Variants in TMEM163 observed in about 807,000 individuals in gnomAD.
TMEM163 encodes transmembrane protein 163.
In TMEM163, 17 loss-of-function variants were observed where a neutral mutation model predicts 29.3. That is an observed-to-expected ratio of 0.58 (90% CI 0.40 to 0.87). The LOEUF (loss-of-function observed/expected upper bound fraction) is 0.87, where lower values mean the gene tolerates loss of function less well. Ranked by LOEUF, TMEM163 falls within the 40% of genes least tolerant of loss-of-function variation. The pLI is 0.00. For missense variants in TMEM163, 303 were observed against 381.5 expected (o/e 0.79, Z 1.71); for synonymous variants, 157 against 160.6 (o/e 0.98, Z 0.17).
intron 2 of TMEM163, among the ~76,000 whole-genome samples, chr2:134,649,025 TCAGAACAC>T (rs1683403675): frequency 6.6e-6 from 1 of 152,122 alleles, no homozygotes; most frequent in African/African-American, 2.4e-5. Context: ...GAACTGAATG[TCAGAACAC>T]TGGAGACATA....
At chr2:134,582,283 G>A (rs1681713683) in intron 2 of TMEM163, among the ~76,000 whole-genome samples, 1 of 152,202 alleles carries the variant, frequency 6.6e-6, no homozygotes, top group Admixed American at 6.5e-5. Context: ...AATGTTCCCA[G>A]CTCCTGTAGG....
intron 5 of TMEM163, among the ~76,000 whole-genome samples, chr2:134,481,595 C>A (rs625519): frequency 0.49 from 74,184 of 151,946 alleles, 18,772 homozygotes; most frequent in South Asian, 0.74. Flanking sequence ...ACCCAGTCTC[C>A]GGTATGTCTT....
At chr2:134,689,940 TTG>T (rs1684426370) in intron 2 of TMEM163, among the ~76,000 whole-genome samples, 1 of 152,074 alleles carries the variant, frequency 6.6e-6, no homozygotes, top group Non-Finnish European at 1.5e-5. Flanking sequence ...GTTTGTTTGT[TTG>T]TTTTTGGAGG....
intron 2 of TMEM163, among the ~76,000 whole-genome samples, chr2:134,577,160 T>C (rs1418459876): frequency 6.6e-6 from 1 of 152,196 alleles, no homozygotes; most frequent in African/African-American, 2.4e-5. Context: ...GAGCCTTTTT[T>C]GATAGACATT....
At chr2:134,516,282 C>T (rs2106492947) in intron 4 of TMEM163, among the ~76,000 whole-genome samples, 1 of 152,184 alleles carries the variant, frequency 6.6e-6, no homozygotes, top group East Asian at 1.9e-4. Flanking sequence ...AGGTTCAAGC[C>T]AGGCACAGTG....
intron 5 of TMEM163, among the ~76,000 whole-genome samples, chr2:134,482,962 A>G (rs1350257202): frequency 6.6e-6 from 1 of 152,032 alleles, no homozygotes; most frequent in Non-Finnish European, 1.5e-5. Context: ...CTGCCAGGTG[A>G]GGCCCTGCAG....
At chr2:134,549,848 ATGTG>A (rs1264437926) in intron 4 of TMEM163, among the ~76,000 whole-genome samples, 3 of 145,766 alleles carry the variant, frequency 2.1e-5, no homozygotes, top group African/African-American at 5.6e-5. Flanking sequence ...ATGCATAAAA[ATGTG>A]TGTGTGTTTG....
intron 2 of TMEM163, among the ~76,000 whole-genome samples, chr2:134,596,415 A>T (rs1192654299): frequency 6.6e-6 from 1 of 152,128 alleles, no homozygotes; most frequent in Non-Finnish European, 1.5e-5. Flanking sequence ...CAAAGATCAG[A>T]TAGTTGTAGA....
intron 2 of TMEM163, among the ~76,000 whole-genome samples, chr2:134,622,151 G>A (rs1267173482): frequency 2.6e-5 from 4 of 152,134 alleles, no homozygotes; most frequent in South Asian, 2.1e-4. Flanking sequence ...GTGGTTACTC[G>A]AAGTTGAGAA....
intron 2 of TMEM163, among the ~76,000 whole-genome samples, chr2:134,557,512 A>G (rs1558944550): frequency 6.6e-6 from 1 of 152,198 alleles, no homozygotes; most frequent in Non-Finnish European, 1.5e-5. Flanking sequence ...GCATCTATCA[A>G]TATGTGTAAG....
At chr2:134,641,988 A>G (rs2104840460) in intron 2 of TMEM163, among the ~76,000 whole-genome samples, 1 of 152,350 alleles carries the variant, frequency 6.6e-6, no homozygotes, top group East Asian at 1.9e-4. Flanking sequence ...GGATACAGAG[A>G]GACATTACAT....
At chr2:134,525,351 G>A (rs1356686105) in intron 4 of TMEM163, among the ~76,000 whole-genome samples, 1 of 152,216 alleles carries the variant, frequency 6.6e-6, no homozygotes, top group African/African-American at 2.4e-5. Flanking sequence ...GGCCCCTGGA[G>A]TCTGAGCAGC....
At chr2:134,525,470 GCCC>G (rs1306516426) in intron 4 of TMEM163, among the ~76,000 whole-genome samples, 2 of 152,158 alleles carry the variant, frequency 1.3e-5, no homozygotes, top group African/African-American at 4.8e-5. Flanking sequence ...GATTAAAGAA[GCCC>G]CCATTTTGCA....
intron 4 of TMEM163, among the ~76,000 whole-genome samples, chr2:134,534,011 G>T (rs1309222196): frequency 1.3e-5 from 2 of 152,126 alleles, no homozygotes; most frequent in African/African-American, 4.8e-5. Flanking sequence ...ACATCACCCT[G>T]CTCTGTTTCC....
intron 4 of TMEM163, among the ~76,000 whole-genome samples, chr2:134,535,970 G>A (rs923381661): frequency 5.9e-5 from 9 of 152,084 alleles, no homozygotes; most frequent in African/African-American, 1.9e-4. Context: ...TGATCTGCCC[G>A]CCTCAGCCTC....
At chr2:134,563,298 A>G (rs557357616) in intron 2 of TMEM163, among the ~76,000 whole-genome samples, 2 of 152,222 alleles carry the variant, frequency 1.3e-5, no homozygotes, top group African/African-American at 2.4e-5. Flanking sequence ...TAAGTACTCA[A>G]ATTAAAGCTG....
intron 5 of TMEM163, among the ~76,000 whole-genome samples, chr2:134,478,533 G>C (rs1046943250): frequency 6.6e-6 from 1 of 152,198 alleles, no homozygotes; most frequent in Non-Finnish European, 1.5e-5. Context: ...TGTGCCCTAG[G>C]AATCTGTGGA....
chr2:134,587,581 C>T (rs988293535), intron 2 of TMEM163, among the ~76,000 whole-genome samples: 4 of 152,172 alleles, frequency 2.6e-5, no homozygotes, highest in Admixed American at 2.6e-4. Flanking sequence ...AACCCAGACA[C>T]GTGGTTCAAT....
intron 5 of TMEM163, among the ~76,000 whole-genome samples, chr2:134,500,142 C>A (rs1679667650): frequency 6.6e-6 from 1 of 152,208 alleles, no homozygotes; most frequent in Admixed American, 6.5e-5. Flanking sequence ...TGCGCACACC[C>A]CAGTTGCCAC....
Sources: allele counts gnomAD v4.1 joint callset (sites outside exome capture counted in the v4.1 genomes callset), GRCh38; gene constraint gnomAD v4.1.1; transcripts MANE v1.5; gene names NCBI Gene and HGNC (gene_info 2026-07-23, HGNC 2026-07-21).